The following RPS6KC1 variants were observed in gnomAD, a reference collection of about 807,000 sequenced individuals.
RPS6KC1 encodes inactive ribosomal protein S6 kinase delta-1.
A neutral mutation model predicts 103.8 loss-of-function variants in RPS6KC1; 54 were observed. The observed-to-expected ratio is 0.52, with a 90% CI of 0.42 to 0.65. RPS6KC1 has a LOEUF of 0.65. Among genes scored for constraint, RPS6KC1 ranks in the 30% least tolerant of loss-of-function variants. The probability of loss-of-function intolerance (pLI) is 0.00; values close to 1 mark genes in which losing one functional copy is unlikely to be tolerated. For missense variants in RPS6KC1, 1,151 were observed against 1,253.8 expected (o/e 0.92, Z 1.24); for synonymous variants, 439 against 438.7 (o/e 1.00, Z -0.01).
At chr1:213,408,810 A>G in the RPS6KC1 span, among the ~76,000 whole-genome samples, 1 of 152,230 alleles carries the variant, frequency 6.6e-6, no homozygotes, top group African/African-American at 2.4e-5. Flanking sequence ...TTTATGGAGC[A>G]CACAGTGTGA....
chr1:213,848,636 C>G, the RPS6KC1 span, among the ~76,000 whole-genome samples: 1 of 152,102 alleles, frequency 6.6e-6, no homozygotes, highest in Non-Finnish European at 1.5e-5. Context: ...CCTTCATACA[C>G]TGTATAATAT....
chr1:213,256,759 T>A (rs1193157818), intron 12 of RPS6KC1, among the ~76,000 whole-genome samples: 1 of 152,194 alleles, frequency 6.6e-6, no homozygotes. Flanking sequence ...TTACCTGTTA[T>A]GGACCCTGGC....
At chr1:213,583,847 AAAAAAAAAG>A in the RPS6KC1 span, among the ~76,000 whole-genome samples, 151 of 134,868 alleles carry the variant, frequency 1.1e-3, no homozygotes, top group African/African-American at 1.6e-3. Context: ...AAGAAAAAAG[AAAAAAAAAG>A]AAAAAAAAGA....
At chr1:213,585,045 G>A in the RPS6KC1 span, among the ~76,000 whole-genome samples, 1 of 152,320 alleles carries the variant, frequency 6.6e-6, no homozygotes, top group East Asian at 1.9e-4. Context: ...TGCATCACTT[G>A]CTGTGTAACC....
At chr1:213,529,481 C>A in the RPS6KC1 span, among the ~76,000 whole-genome samples, 10 of 152,168 alleles carry the variant, frequency 6.6e-5, no homozygotes, top group Non-Finnish European at 1.2e-4. Flanking sequence ...ACTCTAAGAA[C>A]TGATCCTTGT....
the RPS6KC1 span, among the ~76,000 whole-genome samples, chr1:213,862,585 T>G: frequency 4.6e-5 from 7 of 152,214 alleles, no homozygotes; most frequent in Non-Finnish European, 8.8e-5. Context: ...TAGCTATAAC[T>G]GAGGAGTACT....
chr1:213,828,745 G>C, the RPS6KC1 span, among the ~76,000 whole-genome samples: 2 of 152,194 alleles, frequency 1.3e-5, no homozygotes, highest in African/African-American at 2.4e-5. Context: ...CTTGCCCGAA[G>C]TCACAGAGCT....
the RPS6KC1 span, among the ~76,000 whole-genome samples, chr1:213,380,155 C>G: frequency 1.3e-5 from 2 of 152,190 alleles, no homozygotes; most frequent in Admixed American, 6.5e-5. Context: ...CAAAAAGGAA[C>G]AAGATCATGT....
chr1:213,439,650 C>T, the RPS6KC1 span, among the ~76,000 whole-genome samples: 728 of 152,264 alleles, frequency 4.8e-3, 12 homozygotes, highest in African/African-American at 0.017. Context: ...CACAATGACT[C>T]AGCAAGCTTG....
At chr1:213,702,042 G>A in the RPS6KC1 span, among the ~76,000 whole-genome samples, 1 of 151,658 alleles carries the variant, frequency 6.6e-6, no homozygotes. Flanking sequence ...TCTTGATGTA[G>A]GCATTTATAG....
At chr1:213,410,423 G>A in the RPS6KC1 span, among the ~76,000 whole-genome samples, 5 of 152,168 alleles carry the variant, frequency 3.3e-5, no homozygotes, top group South Asian at 2.1e-4. Flanking sequence ...TTGTTCCAGG[G>A]CCTCCAAAGT....
At chr1:213,068,220 T>C (rs1255835548) in intron 1 of RPS6KC1, among the ~76,000 whole-genome samples, 1 of 152,060 alleles carries the variant, frequency 6.6e-6, no homozygotes. Context: ...GCGCAGTGGC[T>C]CACGCCTGTA....
At position 213,117,466 on chromosome 1, in the gene RPS6KC1, A is replaced by G. The variant is rs1013128416; in HGVS notation, c.472+56A>G. The G allele has an allele frequency of 2.3e-4, 225 of 970,080 alleles. 2 individuals carry two copies. The highest frequency in any genetic ancestry group is 2.3e-4 in the Middle Eastern group (1 of 4,376). The allele number at this position is 970,080 out of a possible 1,614,324, so 60.1% of individuals were successfully genotyped here. On this transcript the variant is annotated intron_variant, in intron 5 of 14. Transcript: ENST00000366960. ...AGGTTTGGATTACAGAAGACTATAA[A>G]TCATATCTGCATTGCAAAAAGACAG...
chr1:213,363,686 C>G, the RPS6KC1 span, among the ~76,000 whole-genome samples: 68 of 102,940 alleles, frequency 6.6e-4, 18 homozygotes, highest in African/African-American at 3.5e-3. Context: ...TTCTTTCTTT[C>G]TTTCTTTCTT....
At chr1:213,830,576 C>T in the RPS6KC1 span, among the ~76,000 whole-genome samples, 1 of 151,660 alleles carries the variant, frequency 6.6e-6, no homozygotes, top group Non-Finnish European at 1.5e-5. Flanking sequence ...TGTGCCCTTA[C>T]TTGCCCCTCC....
intron 5 of RPS6KC1, among the ~76,000 whole-genome samples, chr1:213,119,683 T>A (rs1005519296): frequency 1.8e-4 from 27 of 151,644 alleles, no homozygotes; most frequent in Middle Eastern, 3.2e-3. Context: ...AGGAGCCTAT[T>A]TTAGTATAAG....
chr1:213,744,887 G>A, the RPS6KC1 span, among the ~76,000 whole-genome samples: 664 of 152,352 alleles, frequency 4.4e-3, 3 homozygotes, highest in African/African-American at 0.015. Context: ...GTGCTCAGCT[G>A]CCTGGGGGGA....
At chr1:213,393,347 C>T in the RPS6KC1 span, among the ~76,000 whole-genome samples, 3 of 152,190 alleles carry the variant, frequency 2.0e-5, no homozygotes, top group Admixed American at 2.0e-4. Flanking sequence ...CACCAAGAAT[C>T]CCTTTTTCTT....
intron 6 of RPS6KC1, among the ~76,000 whole-genome samples, chr1:213,144,577 A>G (rs2087498510): frequency 6.6e-6 from 1 of 152,042 alleles, no homozygotes; most frequent in Non-Finnish European, 1.5e-5. Context: ...TTCTAAGTCT[A>G]CTTTACCAGC....
Sources: gnomAD v4.1 joint callset for allele counts (sites outside exome capture counted in the v4.1 genomes callset) on GRCh38, gnomAD v4.1.1 for gene constraint, MANE v1.5 for transcripts, NCBI Gene and HGNC (gene_info 2026-07-23, HGNC 2026-07-21) for gene names.